PTP4A1: variants seen among roughly 807,000 people sequenced by gnomAD.
PTP4A1 encodes the protein protein tyrosine phosphatase 4A1.
A neutral mutation model predicts 20.5 loss-of-function variants in PTP4A1; 9 were observed. The ratio of observed to expected loss-of-function variants is 0.44; its 90% CI spans 0.26 to 0.77. PTP4A1 has a LOEUF of 0.77. Ranked by LOEUF, PTP4A1 falls within the 30% of genes least tolerant of loss-of-function variation. PTP4A1 has a pLI of 0.19. For synonymous variants in PTP4A1, 78 were observed against 67.4 expected (o/e 1.16, Z -0.77); for missense variants, 137 against 218.8 (o/e 0.63, Z 2.36).
chr6:63,560,624 G>A (rs766896808), intron 3 of PTP4A1, among the ~76,000 whole-genome samples: 1 of 151,844 alleles, frequency 6.6e-6, no homozygotes, highest in Non-Finnish European at 1.5e-5. Flanking sequence ...GGCTGGTCTC[G>A]AACTCCTGAC....
Position 63,581,804 on chromosome 6 carries a change from T to C in PTP4A1, c.*1630T>C, listed in dbSNP as rs1561917274. On this transcript the variant is annotated 3_prime_UTR_variant, in exon 6 of 6. Transcript: ENST00000626021. Reference sequence around the variant, plus strand: ...GAGCCTCAGTTTTCTCCTTTGCAAATTAATAATTACATACCTTTATAGATT... The same window carrying C: ...GAGCCTCAGTTTTCTCCTTTGCAAACTAATAATTACATACCTTTATAGATT... 1 of 152,186 alleles carries C rather than the reference T, an allele frequency of 6.6e-6. No individual in the cohort carries two copies. The highest frequency in any genetic ancestry group is 1.9e-4 in the East Asian group (1 of 5,202). The allele number at this position is 152,186 out of a possible 1,614,324, so 9.4% of individuals were successfully genotyped here. A position where few individuals can be genotyped will look rare whatever the true frequency, so the allele number is the denominator to read the frequency against.
upstream of PTP4A1, among the ~76,000 whole-genome samples, chr6:63,519,166 G>T (rs1774833480): frequency 6.6e-6 from 1 of 152,118 alleles, no homozygotes; most frequent in African/African-American, 2.4e-5. Context: ...AATTAGCTGG[G>T]CATGATGGTG....
intron 3 of PTP4A1, among the ~76,000 whole-genome samples, chr6:63,562,244 G>A (rs1420509482): frequency 1.4e-5 from 2 of 145,084 alleles, no homozygotes; most frequent in Non-Finnish European, 3.0e-5. Context: ...TTGTTTCCCA[G>A]GCTGGAGTGC....
Position 63,581,109 on chromosome 6 carries a change from G to A in PTP4A1, c.*935G>A, listed in dbSNP as rs1480183821. 1 of 151,838 alleles carries A rather than the reference G, an allele frequency of 6.6e-6. No homozygotes were observed. The highest frequency in any genetic ancestry group is 1.9e-4 in the East Asian group (1 of 5,198). 9.4% of individuals were successfully genotyped at this position (151,838 alleles called of 1,614,324 possible). Reference sequence around the variant, plus strand: ...TTTTTTTCCCATACTTATCAGAAGTGTGTTTACCAACTTATTTTTGTTTGA... The same window carrying A: ...TTTTTTTCCCATACTTATCAGAAGTATGTTTACCAACTTATTTTTGTTTGA... On this transcript the variant is annotated 3_prime_UTR_variant, in exon 6 of 6. Coordinates refer to ENST00000626021, the MANE Select transcript of PTP4A1 (RefSeq NM_003463.5).
Position 63,580,783 on chromosome 6 carries a change from T to A in PTP4A1, c.*609T>A, listed in dbSNP as rs369278315. ...TGATTATTTTACGTGTTTCCATGTA[T>A]CTCACTTTGTGCTGTATTAAAAAAA... On this transcript the variant is annotated 3_prime_UTR_variant, in exon 6 of 6. Transcript: ENST00000626021. The A allele has an allele frequency of 6.6e-6, 1 of 152,384 alleles. No homozygotes were observed. The highest frequency in any genetic ancestry group is 1.9e-4 in the East Asian group (1 of 5,180). The allele number at this position is 152,384 out of a possible 1,614,324, so 9.4% of individuals were successfully genotyped here.
At chr6:63,561,353 A>G (rs938988044) in intron 3 of PTP4A1, among the ~76,000 whole-genome samples, 3 of 152,204 alleles carry the variant, frequency 2.0e-5, no homozygotes, top group African/African-American at 4.8e-5. Context: ...TAAGCACTCA[A>G]TAAATGTCAG....
chr6:63,568,102 A>C (rs1310494874), upstream of PTP4A1, among the ~76,000 whole-genome samples: 1 of 152,182 alleles, frequency 6.6e-6, no homozygotes, highest in Non-Finnish European at 1.5e-5. Context: ...ATCAACAATG[A>C]GGCTGTTTCA....
chr6:63,522,319 C>A (rs1288280832), intron 1 of PTP4A1, among the ~76,000 whole-genome samples: 1 of 152,126 alleles, frequency 6.6e-6, no homozygotes, highest in East Asian at 1.9e-4. Context: ...TGTCCAGAAA[C>A]CATATTCATG....
intron 3 of PTP4A1, among the ~76,000 whole-genome samples, chr6:63,552,250 T>C (rs1371569922): frequency 1.3e-5 from 2 of 152,230 alleles, no homozygotes; most frequent in Non-Finnish European, 2.9e-5. Context: ...TGGTATCTCA[T>C]TGTGGTTTTT....
At chr6:63,567,772 C>T (rs1430674984), upstream of PTP4A1, among the ~76,000 whole-genome samples, 1 of 152,222 alleles carries the variant, frequency 6.6e-6, no homozygotes, top group Admixed American at 6.5e-5. Context: ...CAGTATAAGA[C>T]TGTTTTGTCT....
intron 2 of PTP4A1, among the ~76,000 whole-genome samples, chr6:63,538,480 G>A (rs72880884): frequency 0.087 from 13,203 of 152,198 alleles, 612 homozygotes; most frequent in East Asian, 0.16. Flanking sequence ...ATTTGAATTC[G>A]AGACACTAAG....
At chr6:63,541,026 AAAGG>A (rs60316277) in intron 2 of PTP4A1, among the ~76,000 whole-genome samples, 71,186 of 146,388 alleles carry the variant, frequency 0.49, 17,889 homozygotes, top group African/African-American at 0.61. Context: ...GGGAATGAAG[AAAGG>A]AAGGAAGGAA....
intron 4 of PTP4A1, 27 bp downstream of exon 4, chr6:63,579,055 A>G: frequency 6.5e-7 from 1 of 1,548,704 alleles, no homozygotes; most frequent in Non-Finnish European, 8.7e-7. Context: ...ATTTGATTCT[A>G]GGTAAAAATC....
intron 3 of PTP4A1, among the ~76,000 whole-genome samples, chr6:63,551,871 C>T (rs1380043095): frequency 1.3e-5 from 2 of 152,150 alleles, no homozygotes; most frequent in African/African-American, 2.4e-5. Flanking sequence ...AGGACATGAA[C>T]TCATCATTTT....
At chr6:63,573,938 T>G (rs750916606) in intron 1 of PTP4A1, among the ~76,000 whole-genome samples, 1 of 152,194 alleles carries the variant, frequency 6.6e-6, no homozygotes, top group Non-Finnish European at 1.5e-5. Flanking sequence ...TAATATGTTG[T>G]TGCCTCCTGT....
chr6:63,548,848 C>T, intron 2 of PTP4A1: 1 of 758,804 alleles, frequency 1.3e-6, no homozygotes, highest in South Asian at 1.4e-5. Flanking sequence ...GTCCTGATAG[C>T]TCCCACTAGC....
At chr6:63,525,073 G>A (rs927152526) in intron 1 of PTP4A1, among the ~76,000 whole-genome samples, 3 of 152,156 alleles carry the variant, frequency 2.0e-5, no homozygotes, top group Non-Finnish European at 4.4e-5. Context: ...TTTCTGAAAG[G>A]GTGTTTAGAA....
At chr6:63,521,221 A>C (rs774694118), upstream of PTP4A1, among the ~76,000 whole-genome samples, 15 of 152,162 alleles carry the variant, frequency 9.9e-5, no homozygotes, top group Non-Finnish European at 1.9e-4. Flanking sequence ...CCAAAACTTA[A>C]AGTAAAATAA....
chr6:63,529,217 G>GTGTAT (rs1775344989), intron 2 of PTP4A1, among the ~76,000 whole-genome samples: 3 of 146,572 alleles, frequency 2.0e-5, no homozygotes, highest in African/African-American at 7.5e-5. Flanking sequence ...ATATATATTT[G>GTGTAT]CTAATAACTT....
Sources: allele counts gnomAD v4.1 joint callset (sites outside exome capture counted in the v4.1 genomes callset), GRCh38; gene constraint gnomAD v4.1.1; transcripts MANE v1.5; gene names NCBI Gene and HGNC (gene_info 2026-07-23, HGNC 2026-07-21).